The following PLCL1 variants were observed in gnomAD, a reference collection of about 807,000 sequenced individuals.
PLCL1 encodes the protein phospholipase C like 1 (inactive).
A neutral mutation model predicts 84.4 loss-of-function variants in PLCL1; 41 were observed. That is an observed-to-expected ratio of 0.49 (90% confidence interval 0.38 to 0.63). PLCL1 has a LOEUF of 0.63. PLCL1 is among the 30% of genes least tolerant of loss of function. PLCL1 has a pLI of 0.00. For missense variants in PLCL1, 1,206 were observed against 1,367.8 expected (o/e 0.88, Z 1.87); for synonymous variants, 490 against 488.3 (o/e 1.00, Z -0.05).
chr2:197,851,294 C>A (rs1255972870), intron 1 of PLCL1, among the ~76,000 whole-genome samples: 3 of 152,168 alleles, frequency 2.0e-5, no homozygotes, highest in African/African-American at 7.2e-5. Flanking sequence ...AAACTTCAGA[C>A]TTTGGGAGCA....
chr2:197,863,477 G>C lies in PLCL1; in HGVS notation c.240+58138G>C, dbSNP rs1687471754. Among the ~76,000 whole-genome samples, 3 of 152,118 alleles carry C rather than the reference G, an allele frequency of 2.0e-5. No homozygotes were observed. The South Asian group carries it at 6.2e-4, about 32-fold the overall frequency. ...GCTTGTCATATCATAACCATTTCTAGAATTCTTGGACACATTTAATGTATT... is the reference window on the plus strand; with the variant it reads ...GCTTGTCATATCATAACCATTTCTACAATTCTTGGACACATTTAATGTATT... On this transcript the variant is annotated intron_variant, in intron 1 of 5. Transcript: ENST00000428675.
intron 1 of PLCL1, among the ~76,000 whole-genome samples, chr2:198,045,354 A>G (rs1175180933): frequency 2.0e-5 from 3 of 152,172 alleles, no homozygotes; most frequent in Non-Finnish European, 4.4e-5. Context: ...ATTCAGTTTC[A>G]TTTAATATTG....
In PLCL1 at chr2:198,085,797, T is replaced by C. The variant is rs762358729; in HGVS notation, c.2280T>C (p.Asp760=). ...TAGAGATACACGGAATTCCAGCGGA[T>C]TGTTCGGAACAAAGAACTAAAACTG... ...VCIEIHGIPA[D]CSEQRTKTVQ... The change falls in exon 2 of 6, where the codon GAT becomes GAC. Residue 760 remains aspartate (D), a synonymous_variant. Transcript: ENST00000428675. The surrounding 1 kb of genome is among the most constrained non-coding windows in gnomAD (Gnocchi z 5.3). 6.2e-7 allele frequency: 1 copy of C among 1,614,140 alleles called. No individual in the cohort carries two copies. Among genetic ancestry groups the C allele is most frequent in the South Asian group, 1.1e-5 (1 of 91,078 alleles).
At chr2:197,984,819 T>C (rs566849062) in intron 1 of PLCL1, among the ~76,000 whole-genome samples, 10 of 152,174 alleles carry the variant, frequency 6.6e-5, no homozygotes, top group Non-Finnish European at 1.3e-4. Flanking sequence ...GTAAATAAAA[T>C]GTTATAGCCC....
chr2:198,145,589 G>T (rs550096371), intron 5 of PLCL1, among the ~76,000 whole-genome samples: 1 of 152,148 alleles, frequency 6.6e-6, no homozygotes, highest in African/African-American at 2.4e-5. Flanking sequence ...GAAGAAGTTC[G>T]CTTTAACACA....
intron 1 of PLCL1, among the ~76,000 whole-genome samples, chr2:197,814,115 A>G (rs1283755131): frequency 2.6e-5 from 4 of 152,168 alleles, no homozygotes; most frequent in African/African-American, 9.7e-5. Context: ...TCCTAGTAGT[A>G]CAAGCAAACT....
intron 1 of PLCL1, among the ~76,000 whole-genome samples, chr2:197,909,009 A>G (rs768632193): frequency 5.1e-4 from 77 of 152,212 alleles, no homozygotes; most frequent in South Asian, 1.2e-3. Flanking sequence ...CAAGGACCAA[A>G]CACGAGACTC....
At position 198,084,295 on chromosome 2, in the gene PLCL1, T is replaced by C. The variant is rs1347033317; in HGVS notation, c.778T>C (p.Leu260=). 9.3e-6 allele frequency: 15 copies of C among 1,613,962 alleles called. No individual in the cohort carries two copies. Among genetic ancestry groups the C allele is most frequent in the Admixed American group, 6.7e-5 (4 of 59,996 alleles). ...AADVDGNGIM[L]EDTSVELIKQ... ...AGATGTTGATGGGAATGGGATTATG[T>C]TGGAAGACACCTCTGTAGAGTTAAT... The change falls in exon 2 of 6, where the codon TTG becomes CTG. Residue 260 remains leucine, a synonymous_variant. Transcript: ENST00000428675.
intron 1 of PLCL1, among the ~76,000 whole-genome samples, chr2:198,024,785 C>T (rs187395785): frequency 6.6e-6 from 1 of 150,932 alleles, no homozygotes; most frequent in African/African-American, 2.4e-5. Context: ...ACAATTACTA[C>T]GAGTGGTACC....
chr2:197,923,711 C>T (rs1410582809), intron 1 of PLCL1, among the ~76,000 whole-genome samples: 4 of 146,254 alleles, frequency 2.7e-5, no homozygotes, highest in Non-Finnish European at 6.0e-5. Flanking sequence ...ACATCCCAGA[C>T]GATGGGCGGC....
rs76427978 is a variant in PLCL1, at chr2:197,815,127, A to G, written c.240+9788A>G. On this transcript the variant is annotated intron_variant, in intron 1 of 5. Transcript: ENST00000428675. ...GGTGTCATCTAGGACTTTTATAGCT[A>G]CAGCAGTGAAATCAATGCCTGGCTT... 0.015 allele frequency among the ~76,000 whole-genome samples: 2,222 copies of G among 152,296 alleles called. 124 individuals carry two copies. In the East Asian group the frequency reaches 0.19, roughly 13 times the overall value.
chr2:198,007,508 T>G (rs942880328), intron 1 of PLCL1, among the ~76,000 whole-genome samples: 1 of 152,168 alleles, frequency 6.6e-6, no homozygotes, highest in Non-Finnish European at 1.5e-5. Context: ...ATAGCTAATT[T>G]ACAATATTAC....
At chr2:197,902,151 C>T (rs1370145276) in intron 1 of PLCL1, among the ~76,000 whole-genome samples, 1 of 152,092 alleles carries the variant, frequency 6.6e-6, no homozygotes, top group Non-Finnish European at 1.5e-5. Context: ...ACTGTTGGGG[C>T]ACTGAGCAGC....
chr2:197,928,451 G>A (rs1688874024), intron 1 of PLCL1, among the ~76,000 whole-genome samples: 1 of 152,132 alleles, frequency 6.6e-6, no homozygotes, highest in Non-Finnish European at 1.5e-5. Context: ...AGCCAATGCT[G>A]GGACTATGTC....
chr2:198,011,648 C>T (rs1690870534), intron 1 of PLCL1, among the ~76,000 whole-genome samples: 1 of 151,912 alleles, frequency 6.6e-6, no homozygotes, highest in South Asian at 2.1e-4. Flanking sequence ...TGTTCAGGTC[C>T]TCTTGTTTCC....
At chr2:198,138,380 A>G (rs1694307467) in intron 5 of PLCL1, among the ~76,000 whole-genome samples, 1 of 152,084 alleles carries the variant, frequency 6.6e-6, no homozygotes, top group Non-Finnish European at 1.5e-5. Flanking sequence ...CACAAGAACA[A>G]CAAGGAGGAA....
At chr2:197,870,835 C>G (rs890329207) in intron 1 of PLCL1, among the ~76,000 whole-genome samples, 1 of 152,010 alleles carries the variant, frequency 6.6e-6, no homozygotes, top group Non-Finnish European at 1.5e-5. Context: ...GACGCTCTTC[C>G]TTAGAGCTGA....
chr2:198,080,304 A>G lies in PLCL1; in HGVS notation c.241-3454A>G, dbSNP rs1254207720. 5.3e-5 allele frequency among the ~76,000 whole-genome samples: 8 copies of G among 152,240 alleles called. No individual in the cohort carries two copies. The East Asian group carries it at 1.5e-3, about 29-fold the overall frequency. ...GAGAATTGACTCTCATTCAATCATCATCATCATAATTATGTTTTGTATTTA... is the reference window on the plus strand; with the variant it reads ...GAGAATTGACTCTCATTCAATCATCGTCATCATAATTATGTTTTGTATTTA... On this transcript the variant is annotated intron_variant, in intron 1 of 5. Coordinates refer to ENST00000428675, the MANE Select transcript of PLCL1 (RefSeq NM_006226.4).
chr2:197,938,398 G>A (rs1689089586), intron 1 of PLCL1, among the ~76,000 whole-genome samples: 1 of 152,166 alleles, frequency 6.6e-6, no homozygotes. Context: ...CCTCAAACTT[G>A]TCTCCACAGA....
Sources: gnomAD v4.1 joint callset for allele counts (sites outside exome capture counted in the v4.1 genomes callset) on GRCh38, gnomAD v4.1.1 for gene constraint, Gnocchi (gnomAD v3.1) non-coding constraint, MANE v1.5 for transcripts, NCBI Gene and HGNC (gene_info 2026-07-23, HGNC 2026-07-21) for gene names.